POLR3B: variants seen among roughly 807,000 people sequenced by gnomAD.
POLR3B encodes RNA polymerase III subunit B.
A neutral mutation model predicts 147.4 loss-of-function variants in POLR3B; 96 were observed. The observed-to-expected ratio is 0.65, with a 90% CI of 0.55 to 0.77. POLR3B has a LOEUF of 0.77. Ranked by LOEUF, POLR3B falls within the 30% of genes least tolerant of loss-of-function variation. The pLI is 0.00. For missense variants in POLR3B, 1,036 were observed against 1,413.5 expected (o/e 0.73, Z 4.28); for synonymous variants, 461 against 485.9 (o/e 0.95, Z 0.67).
At chr12:106,379,255 C>T (rs781615434) in intron 8 of POLR3B, among the ~76,000 whole-genome samples, 2 of 152,196 alleles carry the variant, frequency 1.3e-5, no homozygotes, top group Admixed American at 6.5e-5. Context: ...GTTAATTTTA[C>T]AATCCATGTC....
intron 23 of POLR3B, among the ~76,000 whole-genome samples, chr12:106,494,866 C>T (rs1434925522): frequency 6.6e-6 from 1 of 152,158 alleles, no homozygotes. Flanking sequence ...TTGTCAGCTA[C>T]AATAAATCAG....
chr12:106,434,690 T>C (rs539089611), intron 16 of POLR3B, among the ~76,000 whole-genome samples: 3 of 152,232 alleles, frequency 2.0e-5, no homozygotes, highest in African/African-American at 7.2e-5. Flanking sequence ...ATTCTGTGTA[T>C]ACCTCGGGTA....
chr12:106,430,227 A>G (rs369162634), intron 13 of POLR3B, 46 bp from the exon 14 acceptor site: 6 of 1,477,802 alleles, frequency 4.1e-6, no homozygotes, highest in African/African-American at 1.4e-5. Context: ...ATCAGACAAC[A>G]TAGGATTGGG....
chr12:106,407,387 A>G (rs1220393900), intron 11 of POLR3B, among the ~76,000 whole-genome samples: 1 of 152,184 alleles, frequency 6.6e-6, no homozygotes, highest in Non-Finnish European at 1.5e-5. Flanking sequence ...CGGAGATATA[A>G]TATACGTAAA....
At position 106,462,648 on chromosome 12, in the gene POLR3B, G is replaced by A. The variant is rs536803210; in HGVS notation, c.2571-830G>A. 1.7e-4 allele frequency among the ~76,000 whole-genome samples: 26 copies of A among 152,310 alleles called. No individual in the cohort carries two copies. In the South Asian group the frequency reaches 4.8e-3, roughly 28 times the overall value. Reference sequence around the variant, plus strand: ...CGACAGTGGTGCCTGTGGGAAAGGTGTCCTTAGCACACCTCCCTGGCCTCA... The same window carrying A: ...CGACAGTGGTGCCTGTGGGAAAGGTATCCTTAGCACACCTCCCTGGCCTCA... On this transcript the variant is annotated intron_variant, in intron 22 of 27. Transcript: ENST00000228347.
intron 23 of POLR3B, among the ~76,000 whole-genome samples, chr12:106,485,068 A>C (rs183157930): frequency 6.6e-6 from 1 of 152,176 alleles, no homozygotes; most frequent in Non-Finnish European, 1.5e-5. Context: ...TTCTGCTGCT[A>C]TGACAAAATA....
At position 106,504,525 on chromosome 12, in the gene POLR3B, A is replaced by G. The variant is rs1470319738; in HGVS notation, c.3272+271A>G. ...TTAAATATTCTCTCAGGTACTTTTT[A>G]TAACACTATTTGCCTGTGAAAATCC... On this transcript the variant is annotated intron_variant, in intron 27 of 27. Coordinates refer to ENST00000228347, the MANE Select transcript of POLR3B (RefSeq NM_018082.6). This position sits in a 1 kb window ranked among gnomAD's most constrained non-coding sequence, Gnocchi z 4.6. Among the ~76,000 whole-genome samples, 2 of 152,174 alleles carry G rather than the reference A, an allele frequency of 1.3e-5. No individual in the cohort carries two copies. The highest frequency in any genetic ancestry group is 1.9e-4 in the East Asian group (1 of 5,174).
At chr12:106,495,932 A>T (rs2038474084) in intron 23 of POLR3B, 123 bp from the exon 24 acceptor site, 3 of 775,490 alleles carry the variant, frequency 3.9e-6, no homozygotes, top group East Asian at 4.9e-5. Flanking sequence ...CTCTTGATAG[A>T]GGCCATGGGG....
At chr12:106,412,149 G>A (rs1332620970) in intron 12 of POLR3B, among the ~76,000 whole-genome samples, 5 of 151,874 alleles carry the variant, frequency 3.3e-5, no homozygotes, top group African/African-American at 4.8e-5. Flanking sequence ...CAACCTGATA[G>A]ACATTGTGGA....
intron 19 of POLR3B, chr12:106,446,149 T>C (rs1432635339): frequency 2.3e-6 from 1 of 442,928 alleles, no homozygotes; most frequent in Non-Finnish European, 4.5e-6. Flanking sequence ...GAACCCTGTG[T>C]GTCATGAAAG....
At chr12:106,374,796 G>A (rs932834903) in intron 6 of POLR3B, among the ~76,000 whole-genome samples, 4 of 152,144 alleles carry the variant, frequency 2.6e-5, no homozygotes, top group East Asian at 1.9e-4. Context: ...GATTACAGGC[G>A]TGAGCCACCG....
intron 25 of POLR3B, among the ~76,000 whole-genome samples, chr12:106,498,348 C>T (rs2038532379): frequency 6.6e-6 from 1 of 152,160 alleles, no homozygotes; most frequent in Admixed American, 6.5e-5. Context: ...AGCCAGGCGA[C>T]CAGGCTTGGG....
chr12:106,396,201 A>AT (rs2036976434), intron 10 of POLR3B, among the ~76,000 whole-genome samples: 1 of 152,140 alleles, frequency 6.6e-6, no homozygotes, highest in Non-Finnish European at 1.5e-5. Context: ...CAAGTGAAAA[A>AT]TTTTAGCCTT....
At position 106,357,944 on chromosome 12, in the gene POLR3B, C is replaced by G. The variant is rs774052730; in HGVS notation, c.65C>G (p.Thr22Ser). The G allele has an allele frequency of 1.9e-6, 3 of 1,612,800 alleles. No individual in the cohort carries two copies. The highest frequency in any genetic ancestry group is 2.5e-6 in the Non-Finnish European group (3 of 1,179,940). ...GAGCAGCTGGCGGCGCCGATCCCGA[C>G]TGTAGAGGTCAGTGCCAGGCACGCA... ...TPEQLAAPIP[T>S]VEEKWRLLPA... The change falls in exon 1 of 28, where the codon ACT becomes AGT. Residue 22 changes from threonine to serine, a missense_variant. Physicochemically the swap from Thr to Ser is moderately conservative, Grantham distance 58. Around this residue, in one of 12 missense-constraint regions of POLR3B, gnomAD observed 150 missense variants for 145.5 expected, o/e 1.03. Coordinates refer to ENST00000228347, the MANE Select transcript of POLR3B (RefSeq NM_018082.6).
At chr12:106,414,906 C>A (rs2037280319) in intron 12 of POLR3B, among the ~76,000 whole-genome samples, 1 of 152,116 alleles carries the variant, frequency 6.6e-6, no homozygotes, top group East Asian at 1.9e-4. Flanking sequence ...TACTTTAAAG[C>A]CCCCTTTGAA....
intron 6 of POLR3B, among the ~76,000 whole-genome samples, chr12:106,375,476 A>G (rs928004749): frequency 1.3e-5 from 2 of 151,872 alleles, no homozygotes; most frequent in Non-Finnish European, 2.9e-5. Flanking sequence ...CTCTCTCTCT[A>G]TCCTTCCCTG....
intron 23 of POLR3B, among the ~76,000 whole-genome samples, chr12:106,485,068 A>G (rs183157930): frequency 3.3e-5 from 5 of 152,294 alleles, no homozygotes; most frequent in South Asian, 2.1e-4. Flanking sequence ...TTCTGCTGCT[A>G]TGACAAAATA....
intron 12 of POLR3B, among the ~76,000 whole-genome samples, chr12:106,414,086 G>T (rs2037267126): frequency 7.0e-6 from 1 of 143,552 alleles, no homozygotes; most frequent in African/African-American, 2.7e-5. Context: ...CTGTATTTTA[G>T]CATCTAGAAT....
chr12:106,454,741 G>A lies in POLR3B; in HGVS notation c.2293+30G>A, dbSNP rs145587991. The A allele has an allele frequency of 1.8e-4, 236 of 1,304,688 alleles. 2 individuals are homozygous for A. The African/African-American group carries it at 3.0e-3, about 17-fold the overall frequency. The allele number at this position is 1,304,688 out of a possible 1,614,324, so 80.8% of individuals were successfully genotyped here. A position where few individuals can be genotyped will look rare whatever the true frequency, so the allele number is the denominator to read the frequency against. On this transcript the variant is annotated intron_variant, in intron 20 of 27. Coordinates refer to ENST00000228347, the MANE Select transcript of POLR3B (RefSeq NM_018082.6). ...GTGAATTTTCAAAACTAACACCAAAGTTGCTTTTTGCAGAATTAGATATAG... is the reference window on the plus strand; with the variant it reads ...GTGAATTTTCAAAACTAACACCAAAATTGCTTTTTGCAGAATTAGATATAG...
Sources: gnomAD v4.1 joint callset for allele counts (sites outside exome capture counted in the v4.1 genomes callset) on GRCh38, gnomAD v4.1.1 for gene constraint, gnomAD v4.1.1 regional missense constraint, Gnocchi (gnomAD v3.1) non-coding constraint, MANE v1.5 for transcripts, NCBI Gene and HGNC (gene_info 2026-07-23, HGNC 2026-07-21) for gene names.